The following NUMB variants were observed in gnomAD, a reference collection of about 807,000 sequenced individuals.
The protein encoded by NUMB is NUMB endocytic adaptor protein, also known as protein numb homolog.
A neutral mutation model predicts 59.7 loss-of-function variants in NUMB; 29 were observed. The ratio of observed to expected loss-of-function variants is 0.49; its 90% CI spans 0.36 to 0.66. NUMB has a LOEUF of 0.66. Ranked by LOEUF, NUMB falls within the 30% of genes least tolerant of loss-of-function variation. NUMB has a pLI of 0.00. For missense variants in NUMB, 723 were observed against 822.0 expected, an observed-to-expected ratio of 0.88 and a Z score of 1.47; for synonymous variants, 288 against 288.2, an observed-to-expected ratio of 1.00 and a Z score of 0.01.
intron 3 of NUMB, among the ~76,000 whole-genome samples, chr14:73,358,655 CTTCCACTTCATATAAT>C (rs972497563): frequency 6.8e-6 from 1 of 146,816 alleles, no homozygotes; most frequent in Non-Finnish European, 1.5e-5. Context: ...TGGTTAGGTC[CTTCCACTTCATATAAT>C]TCGGATTAAT....
rs201141002 is a variant in NUMB at position 73,345,908 on chromosome 14, C to CA, written c.126+9717dup. Reference sequence around the variant, plus strand: ...GGGGGACAAGAACGAGACTTCATCTCAAAAAAAAACCAAAAAAACAAAAAA... The same window carrying CA: ...GGGGGACAAGAACGAGACTTCATCTCAAAAAAAAAACCAAAAAAACAAAAAA... On this transcript the variant is annotated intron_variant, in intron 4 of 12. Transcript: ENST00000555238. 3.0e-3 allele frequency among the ~76,000 whole-genome samples: 441 copies of CA among 146,774 alleles called. 3 individuals carry two copies. The highest frequency in any genetic ancestry group is 9.7e-3 in the African/African-American group (386 of 39,790).
chr14:73,453,126 T>TTTTTG lies in NUMB; in HGVS notation c.-233+5362_-233+5366dup, dbSNP rs372947742. ...GAAGTGCACTTTTTTTTATGGTTTC[T>TTTTTG]TTTTGTTTTGTTTTGTTTTGTTTGA... On this transcript the variant is annotated intron_variant, in intron 1 of 12. Transcript: ENST00000555238. 4.4e-4 allele frequency among the ~76,000 whole-genome samples: 67 copies of TTTTTG among 151,752 alleles called. 1 individual carries two copies. The South Asian group carries it at 4.6e-3, about 10-fold the overall frequency.
At chr14:73,280,686 ATTTTTTTTTTTT>A (rs397852698) in intron 11 of NUMB, among the ~76,000 whole-genome samples, 27 of 87,696 alleles carry the variant, frequency 3.1e-4, no homozygotes, top group South Asian at 2.3e-3. Flanking sequence ...TGTTGGTACT[ATTTTTTTTTTTT>A]TTTTTTTTTT....
intron 1 of NUMB, among the ~76,000 whole-genome samples, chr14:73,445,412 T>C (rs924326342): frequency 1.7e-5 from 2 of 115,862 alleles, no homozygotes; most frequent in Non-Finnish European, 3.7e-5. Context: ...AGCTGATTTA[T>C]AGCTGGATAA....
Position 73,388,359 on chromosome 14 carries a change from C to T in NUMB, c.-100-21378G>A, listed in dbSNP as rs566536065. Among the ~76,000 whole-genome samples, 224 of 152,202 alleles carry T rather than the reference C, an allele frequency of 1.5e-3. 1 individual carries two copies. Among genetic ancestry groups the T allele is most frequent in the Non-Finnish European group, 2.4e-3 (165 of 68,016 alleles). ...TCACTAAAACTAAAATTCTGGAAAA[C>T]CTTTCCTTGTAAGATATAACTTCCT... On this transcript the variant is annotated intron_variant, in intron 2 of 12. Transcript: ENST00000555238.
rs1192111595 is a variant in NUMB at position 73,349,837 on chromosome 14, C to G, written c.126+5789G>C. ...GAGCTTGCAGTGAGCCAAGATCGCGCCACTGCACTCCAGCCTGGGGGACAG... is the reference window on the plus strand; with the variant it reads ...GAGCTTGCAGTGAGCCAAGATCGCGGCACTGCACTCCAGCCTGGGGGACAG... On this transcript the variant is annotated intron_variant, in intron 4 of 12. Transcript: ENST00000555238. Among the ~76,000 whole-genome samples, 8 of 151,878 alleles carry G rather than the reference C, an allele frequency of 5.3e-5. No individual in the cohort carries two copies. In the East Asian group the frequency reaches 1.6e-3, roughly 30 times the overall value.
chr14:73,304,815 C>T (rs1019094358), intron 6 of NUMB, among the ~76,000 whole-genome samples: 2 of 151,986 alleles, frequency 1.3e-5, no homozygotes, highest in East Asian at 1.9e-4. Flanking sequence ...GCTTGGAGTG[C>T]GGTGGTGCGA....
At chr14:73,379,608 T>C (rs948633842) in intron 2 of NUMB, among the ~76,000 whole-genome samples, 8 of 152,164 alleles carry the variant, frequency 5.3e-5, no homozygotes, top group Admixed American at 6.5e-5. Context: ...GACGGCTTCA[T>C]TTGTTAGGTT....
At chr14:73,388,957 G>T (rs1156745805) in intron 2 of NUMB, among the ~76,000 whole-genome samples, 1 of 152,048 alleles carries the variant, frequency 6.6e-6, no homozygotes. Context: ...AAATTAGCAG[G>T]GCGTGGTGGC....
chr14:73,312,835 AT>A (rs893958994), intron 6 of NUMB, among the ~76,000 whole-genome samples: 35 of 152,186 alleles, frequency 2.3e-4, no homozygotes, highest in Admixed American at 7.2e-4. Context: ...AGTGTAAGTT[AT>A]CTTTTAATCA....
In NUMB at chr14:73,346,636, CTTT is replaced by C. The variant is rs539811418; in HGVS notation, c.126+8987_126+8989del. ...GAAGATGAAACCAGCCGCAGTTGCA[CTTT>C]ATTATGGCTAGTAATGGCTCATGTT... is the stretch of plus-strand genomic sequence containing the variant. On this transcript the variant is annotated intron_variant, in intron 4 of 12. Transcript: ENST00000555238. Among the ~76,000 whole-genome samples, 16 of 152,236 alleles carry C rather than the reference CTTT, an allele frequency of 1.1e-4. 1 individual carries two copies. In the South Asian group the frequency reaches 3.3e-3, roughly 32 times the overall value.
intron 6 of NUMB, among the ~76,000 whole-genome samples, chr14:73,310,508 G>A (rs1170232668): frequency 6.6e-6 from 1 of 152,194 alleles, no homozygotes; most frequent in Non-Finnish European, 1.5e-5. Context: ...CATACCCGAG[G>A]AAAGCAGAGG....
intron 2 of NUMB, among the ~76,000 whole-genome samples, chr14:73,385,496 CT>C (rs35526624): frequency 0.043 from 2,809 of 65,240 alleles, 72 homozygotes; most frequent in African/African-American, 0.15. Context: ...GGCTAGTGGC[CT>C]TTTTTTTTTT....
At chr14:73,379,037 A>G (rs1257116464) in intron 2 of NUMB, among the ~76,000 whole-genome samples, 1 of 152,066 alleles carries the variant, frequency 6.6e-6, no homozygotes, top group Non-Finnish European at 1.5e-5. Context: ...AATAAAGTCT[A>G]TTTTCTTAAA....
At position 73,297,261 on chromosome 14, in the gene NUMB, C is replaced by T. The variant is rs1330492758; in HGVS notation, c.259G>A (p.Val87Ile). ...AGTCCATCTGCTGAGACCCACAGAA[C>T]TGCTTTAACTGCTTTCTTTCCAGTC... Reference protein sequence around the residue: ...GKTGKKAVKAVLWVSADGLRV... With the variant: ...GKTGKKAVKAILWVSADGLRV... The change falls in exon 7 of 13, where the codon GTT becomes ATT. Residue 87 changes from valine to isoleucine, a missense_variant. Physicochemically the swap from Val to Ile is conservative, Grantham distance 29. Around this residue, in one of 2 missense-constraint regions of NUMB, gnomAD observed 317 missense variants for 436.6 expected, o/e 0.73. Transcript: ENST00000555238. The T allele has an allele frequency of 6.2e-6, 10 of 1,610,130 alleles. No individual in the cohort carries two copies. Among genetic ancestry groups the T allele is most frequent in the Non-Finnish European group, 3.4e-6 (4 of 1,176,712 alleles).
At chr14:73,319,788 A>G (rs1003349863) in intron 5 of NUMB, among the ~76,000 whole-genome samples, 4 of 152,154 alleles carry the variant, frequency 2.6e-5, no homozygotes, top group African/African-American at 9.7e-5. Context: ...TATCCTAAAG[A>G]CTTCCGATTT....
At chr14:73,410,185 A>C (rs1210171020) in intron 1 of NUMB, 117 bp from the exon 2 acceptor site, 1 of 152,250 alleles carries the variant, frequency 6.6e-6, no homozygotes, top group Non-Finnish European at 1.5e-5. Context: ...ATGGAAATGA[A>C]TGCACAGGTT....
intron 1 of NUMB, among the ~76,000 whole-genome samples, chr14:73,444,426 T>G (rs1273194445): frequency 4.0e-5 from 6 of 150,642 alleles, no homozygotes; most frequent in South Asian, 2.1e-4. Context: ...GTCAAAATAT[T>G]TAACTGATCC....
chr14:73,368,383 G>C (rs1480272861), intron 2 of NUMB, among the ~76,000 whole-genome samples: 1 of 152,078 alleles, frequency 6.6e-6, no homozygotes, highest in Non-Finnish European at 1.5e-5. Context: ...TTTGAGACCA[G>C]CCTGGCCAAC....
Sources: gnomAD v4.1 joint callset for allele counts (sites outside exome capture counted in the v4.1 genomes callset) on GRCh38, gnomAD v4.1.1 for gene constraint, gnomAD v4.1.1 regional missense constraint, MANE v1.5 for transcripts, NCBI Gene and HGNC (gene_info 2026-07-23, HGNC 2026-07-21) for gene names.